The following CXXC5 variants were observed in gnomAD, a reference collection of about 807,000 sequenced individuals.
CXXC5 encodes CXXC-type zinc finger protein 5.
Under a neutral mutation model 17.6 loss-of-function variants are expected in CXXC5, and 2 were observed. The ratio of observed to expected loss-of-function variants is 0.11; its 90% CI spans 0.05 to 0.36. The LOEUF (loss-of-function observed/expected upper bound fraction) is 0.36, where lower values mean the gene tolerates loss of function less well. CXXC5 is among the 10% of genes least tolerant of loss of function. CXXC5 has a pLI of 1.00. For missense variants in CXXC5, 343 were observed against 458.3 expected (o/e 0.75, Z 2.30); for synonymous variants, 171 against 193.0 (o/e 0.89, Z 0.94).
At chr5:139,671,628 G>T (rs768572117) in intron 1 of CXXC5, among the ~76,000 whole-genome samples, 1 of 152,242 alleles carries the variant, frequency 6.6e-6, no homozygotes, top group Non-Finnish European at 1.5e-5. Context: ...CGGAGGCTGC[G>T]GAATGCCCGG....
Position 139,670,212 on chromosome 5 carries a change from C to T in CXXC5, c.-160-10152C>T, listed in dbSNP as rs1003211354. Among the ~76,000 whole-genome samples the T allele has an allele frequency of 4.6e-5, 7 of 152,238 alleles. No individual in the cohort carries two copies. The highest frequency in any genetic ancestry group is 1.7e-4 in the African/African-American group (7 of 41,468). ...TCCCGCCTCTCGCCTGCCTCCCCCA[C>T]GCCTCTGCAGGGAGGGCCTGCGGTC... On this transcript the variant is annotated intron_variant, in intron 1 of 2. Coordinates refer to ENST00000302517, the MANE Select transcript of CXXC5 (RefSeq NM_016463.9). The surrounding 1 kb of genome is among the most constrained non-coding windows in gnomAD (Gnocchi z 4.2).
In CXXC5 at chr5:139,663,555, T is replaced by G. The variant is rs1190770282; in HGVS notation, c.-161+14710T>G. On this transcript the variant is annotated intron_variant, in intron 1 of 2. Coordinates refer to ENST00000302517, the MANE Select transcript of CXXC5 (RefSeq NM_016463.9). The surrounding 1 kb of genome is among the most constrained non-coding windows in gnomAD (Gnocchi z 4.2). ...TTGTAACCTTCAGGCTTCTACCACATGTCCATCCCCCCATGGTCCTGCAGG... is the reference window on the plus strand; with the variant it reads ...TTGTAACCTTCAGGCTTCTACCACAGGTCCATCCCCCCATGGTCCTGCAGG... Among the ~76,000 whole-genome samples, 1 of 152,180 alleles carries G rather than the reference T, an allele frequency of 6.6e-6. No individual in the cohort carries two copies. The highest frequency in any genetic ancestry group is 1.5e-5 in the Non-Finnish European group (1 of 68,030).
At chr5:139,681,918 C>G (rs1276641909) in intron 2 of CXXC5, among the ~76,000 whole-genome samples, 1 of 152,212 alleles carries the variant, frequency 6.6e-6, no homozygotes, top group Non-Finnish European at 1.5e-5. Flanking sequence ...CATCTTTCCC[C>G]CAAGGCCACC....
At chr5:139,659,622 A>G (rs898198917) in intron 1 of CXXC5, 3 of 152,164 alleles carry the variant, frequency 2.0e-5, no homozygotes, top group Non-Finnish European at 2.9e-5. Flanking sequence ...GGGGTGGCAG[A>G]TGCTGTTTCA....
At position 139,668,847 on chromosome 5, in the gene CXXC5, A is replaced by G. The variant is rs1756283814; in HGVS notation, c.-160-11517A>G. 6.6e-6 allele frequency among the ~76,000 whole-genome samples: 1 copy of G among 152,154 alleles called. No individual in the cohort carries two copies. Among genetic ancestry groups the G allele is most frequent in the Admixed American group, 6.5e-5 (1 of 15,272 alleles). The stretch of plus-strand genomic sequence containing the variant: ...AGTTCCTCTTGGCTTTGCCACAAAC[A>G]CAGTGACCTTATGTAGAGTCCTTAG... On this transcript the variant is annotated intron_variant, in intron 1 of 2. Transcript: ENST00000302517. The surrounding 1 kb of genome is among the most constrained non-coding windows in gnomAD (Gnocchi z 4.1).
At position 139,671,429 on chromosome 5, in the gene CXXC5, C is replaced by T. The variant is rs367929020; in HGVS notation, c.-160-8935C>T. Among the ~76,000 whole-genome samples, 5 of 152,342 alleles carry T rather than the reference C, an allele frequency of 3.3e-5. No homozygotes were observed. The East Asian group carries it at 9.6e-4, about 29-fold the overall frequency. ...AGCTGTGGACTGCTGTGACTGCCCC[C>T]GGGAGAGGAGCTAGATGGAGGCTTA... On this transcript the variant is annotated intron_variant, in intron 1 of 2. Transcript: ENST00000302517.
chr5:139,659,943 GGTGCCC>G (rs1210115653), intron 1 of CXXC5, among the ~76,000 whole-genome samples: 1 of 152,228 alleles, frequency 6.6e-6, no homozygotes, highest in African/African-American at 2.4e-5. Flanking sequence ...CAGAACAGCG[GGTGCCC>G]GCGCAGCCAA....
chr5:139,657,652 C>G (rs902155976), intron 1 of CXXC5, among the ~76,000 whole-genome samples: 6 of 152,284 alleles, frequency 3.9e-5, no homozygotes, highest in South Asian at 2.1e-4. Context: ...CTAAGCCAAG[C>G]CAGTGGGGCG....
chr5:139,681,253 C>G lies in CXXC5; in HGVS notation c.730C>G (p.Pro244Ala), dbSNP rs1313151322. 1 of 1,612,088 alleles carries G rather than the reference C, an allele frequency of 6.2e-7. No individual in the cohort carries two copies. Among genetic ancestry groups the G allele is most frequent in the Non-Finnish European group, 8.5e-7 (1 of 1,179,578 alleles). Reference sequence around the variant, plus strand: ...GCACATGGCGGGCCTGGCTGAGTACCCCATGCAGGGAGAGCTGGCCTCTGC... The same window carrying G: ...GCACATGGCGGGCCTGGCTGAGTACGCCATGCAGGGAGAGCTGGCCTCTGC... ...ALHMAGLAEYPMQGELASAIS... is the reference protein window; with the variant it reads ...ALHMAGLAEYAMQGELASAIS... The change falls in exon 2 of 3, where the codon CCC becomes GCC. Residue 244 changes from proline (P) to alanine (A), a missense_variant. Pro to Ala is a conservative substitution (Grantham distance 27). Coordinates refer to ENST00000302517, the MANE Select transcript of CXXC5 (RefSeq NM_016463.9).
At position 139,663,818 on chromosome 5, in the gene CXXC5, A is replaced by G. The variant is rs976588689; in HGVS notation, c.-161+14973A>G. On this transcript the variant is annotated intron_variant, in intron 1 of 2. Transcript: ENST00000302517. This position sits in a 1 kb window ranked among gnomAD's most constrained non-coding sequence, Gnocchi z 4.2. ...GTGGACGCTACACTGACCCCTTCAC[A>G]TAGGTCCTCTCCAGGACCTGACGAG... Among the ~76,000 whole-genome samples, 1 of 152,186 alleles carries G rather than the reference A, an allele frequency of 6.6e-6. No homozygotes were observed. The highest frequency in any genetic ancestry group is 2.4e-5 in the African/African-American group (1 of 41,448).
rs375593272 is a variant in CXXC5 at position 139,660,726 on chromosome 5, G to T, written c.-161+11881G>T. ...ACTGGGAATTGGTGAACATGGGGGG[G>T]TTTGCTGGGGTGGGGGGCCTATATT... On this transcript the variant is annotated intron_variant, in intron 1 of 2. Coordinates refer to ENST00000302517, the MANE Select transcript of CXXC5 (RefSeq NM_016463.9). 9.6e-5 allele frequency among the ~76,000 whole-genome samples: 14 copies of T among 145,964 alleles called. No individual in the cohort carries two copies. The South Asian group carries it at 3.1e-3, about 32-fold the overall frequency.
At position 139,668,738 on chromosome 5, in the gene CXXC5, G is replaced by A. The variant is rs944970862; in HGVS notation, c.-160-11626G>A. On this transcript the variant is annotated intron_variant, in intron 1 of 2. Transcript: ENST00000302517. This position sits in a 1 kb window ranked among gnomAD's most constrained non-coding sequence, Gnocchi z 4.1. ...CGGGAGAGATATGCTTATCCCAGGC[G>A]GAGCGGAGAAGGCTGGGGGATGACT... Among the ~76,000 whole-genome samples, 51 of 152,206 alleles carry A rather than the reference G, an allele frequency of 3.4e-4. No homozygotes were observed. The highest frequency in any genetic ancestry group is 1.1e-3 in the African/African-American group (47 of 41,452).
chr5:139,665,409 C>T (rs1359272007), intron 1 of CXXC5, among the ~76,000 whole-genome samples: 1 of 152,244 alleles, frequency 6.6e-6, no homozygotes, highest in African/African-American at 2.4e-5. Flanking sequence ...AGAGCCCCCA[C>T]CTCCTTGCTG....
intron 1 of CXXC5, among the ~76,000 whole-genome samples, chr5:139,664,072 T>A (rs115221121): frequency 0.012 from 1,887 of 152,176 alleles, 23 homozygotes; most frequent in Non-Finnish European, 0.02. Flanking sequence ...GCCAGCCCCC[T>A]CCCCCATGCC....
intron 1 of CXXC5, among the ~76,000 whole-genome samples, chr5:139,672,937 G>A (rs1756565977): frequency 6.6e-6 from 1 of 152,164 alleles, no homozygotes; most frequent in South Asian, 2.1e-4. Flanking sequence ...CAGAAGGACA[G>A]TGCGCCATCT....
chr5:139,661,173 C>T lies in CXXC5; in HGVS notation c.-161+12328C>T, dbSNP rs911641136. Among the ~76,000 whole-genome samples, 4 of 152,144 alleles carry T rather than the reference C, an allele frequency of 2.6e-5. No individual in the cohort carries two copies. The highest frequency in any genetic ancestry group is 2.9e-5 in the Non-Finnish European group (2 of 68,016). The stretch of plus-strand genomic sequence containing the variant: ...AGCCAGCCTCCCCGCCGCGGCTGCC[C>T]GCGCCGCCCCCCCACCTCTTGCGCT... On this transcript the variant is annotated intron_variant, in intron 1 of 2. Transcript: ENST00000302517. The surrounding 1 kb of genome is among the most constrained non-coding windows in gnomAD (Gnocchi z 4.7).
chr5:139,654,382 C>T lies in CXXC5; in HGVS notation c.-161+5537C>T, dbSNP rs115444021. On this transcript the variant is annotated intron_variant, in intron 1 of 2. Coordinates refer to ENST00000302517, the MANE Select transcript of CXXC5 (RefSeq NM_016463.9). ...GACATTTGGGCCAGTTGTGTTATCT[C>T]TACAAACCTCAGTTTCCTAATCTCT... is the stretch of plus-strand genomic sequence containing the variant. Among the ~76,000 whole-genome samples, 324 of 152,300 alleles carry T rather than the reference C, an allele frequency of 2.1e-3. 1 individual carries two copies. Among genetic ancestry groups the T allele is most frequent in the African/African-American group, 7.4e-3 (306 of 41,556 alleles).
At chr5:139,652,239 ATAGT>A (rs771024835) in intron 1 of CXXC5, among the ~76,000 whole-genome samples, 6 of 151,506 alleles carry the variant, frequency 4.0e-5, no homozygotes, top group South Asian at 2.1e-4. Flanking sequence ...AAGTGTATTA[ATAGT>A]TAAACTCTCA....
At chr5:139,672,675 C>T (rs1756551248) in intron 1 of CXXC5, among the ~76,000 whole-genome samples, 1 of 152,212 alleles carries the variant, frequency 6.6e-6, no homozygotes, top group East Asian at 1.9e-4. Flanking sequence ...ATCTCTACCT[C>T]CTTCCCCATG....
Sources: allele counts gnomAD v4.1 joint callset (sites outside exome capture counted in the v4.1 genomes callset), GRCh38; gene constraint gnomAD v4.1.1; non-coding constraint Gnocchi (gnomAD v3.1); transcripts MANE v1.5; gene names NCBI Gene and HGNC (gene_info 2026-07-23, HGNC 2026-07-21).